Variants in FAT3 observed in about 807,000 individuals in gnomAD.
FAT3 encodes FAT atypical cadherin 3, also known as protocadherin Fat 3.
FAT3 carries 95 observed loss-of-function variants against 310.2 expected under a neutral mutation model. That is an observed-to-expected ratio of 0.31 (90% CI 0.26 to 0.36). The LOEUF (loss-of-function observed/expected upper bound fraction) is 0.36. Among genes scored for constraint, FAT3 ranks in the 10% least tolerant of loss-of-function variants. FAT3 has a pLI of 1.00. For missense variants in FAT3, 5,408 were observed against 5,715.6 expected, an observed-to-expected ratio of 0.95 and a Z score of 1.74; for synonymous variants, 2,314 against 2,192.9, an observed-to-expected ratio of 1.06 and a Z score of -1.54.
At chr11:92,242,596 A>G (rs1864712780) in intron 1 of FAT3, among the ~76,000 whole-genome samples, 3 of 152,008 alleles carry the variant, frequency 2.0e-5, no homozygotes, top group South Asian at 4.1e-4. Flanking sequence ...CTTGACCTCA[A>G]GGAGTTTAAG....
At chr11:92,588,110 T>A (rs1939243165) in intron 3 of FAT3, among the ~76,000 whole-genome samples, 1 of 151,992 alleles carries the variant, frequency 6.6e-6, no homozygotes, top group South Asian at 2.1e-4. Flanking sequence ...GGTCTAAGGA[T>A]CTCCAAGTTC....
intron 7 of FAT3, among the ~76,000 whole-genome samples, chr11:92,787,558 G>T (rs971134125): frequency 6.6e-6 from 1 of 151,506 alleles, no homozygotes; most frequent in Non-Finnish European, 1.5e-5. Flanking sequence ...GGTTATTCTT[G>T]CTTGTTCTTC....
At chr11:92,703,132 G>A (rs1331964473) in intron 4 of FAT3, among the ~76,000 whole-genome samples, 1 of 152,122 alleles carries the variant, frequency 6.6e-6, no homozygotes, top group Non-Finnish European at 1.5e-5. Flanking sequence ...CCTGTCTGAA[G>A]TTCTCATCCC....
At chr11:92,586,328 G>A (rs1053836819) in intron 3 of FAT3, among the ~76,000 whole-genome samples, 1 of 151,954 alleles carries the variant, frequency 6.6e-6, no homozygotes, top group Non-Finnish European at 1.5e-5. Context: ...CTATAGCACA[G>A]CCTGCAGTCT....
At chr11:92,650,548 T>C (rs1298388755) in intron 3 of FAT3, among the ~76,000 whole-genome samples, 1 of 152,170 alleles carries the variant, frequency 6.6e-6, no homozygotes, top group Non-Finnish European at 1.5e-5. Context: ...CTGATAAGAA[T>C]TGGCTCTTTA....
intron 2 of FAT3, among the ~76,000 whole-genome samples, chr11:92,451,570 G>T (rs1951352434): frequency 6.6e-6 from 1 of 152,160 alleles, no homozygotes; most frequent in African/African-American, 2.4e-5. Context: ...CTTGAATGAA[G>T]GGATATGGAC....
intron 4 of FAT3, among the ~76,000 whole-genome samples, chr11:92,739,758 A>G (rs927493502): frequency 6.6e-6 from 1 of 152,170 alleles, no homozygotes; most frequent in Non-Finnish European, 1.5e-5. Flanking sequence ...ATGCTTGGCA[A>G]TCTCTGCTGC....
chr11:92,518,316 A>G (rs1953558873), intron 2 of FAT3, among the ~76,000 whole-genome samples: 1 of 152,198 alleles, frequency 6.6e-6, no homozygotes, highest in African/African-American at 2.4e-5. Context: ...CATATACACC[A>G]TGGAATACTA....
At chr11:92,529,480 C>G (rs915173339) in intron 3 of FAT3, among the ~76,000 whole-genome samples, 1 of 152,050 alleles carries the variant, frequency 6.6e-6, no homozygotes, top group Non-Finnish European at 1.5e-5. Context: ...ACATACATCT[C>G]TTTTCATTTG....
intron 3 of FAT3, among the ~76,000 whole-genome samples, chr11:92,676,800 A>ATT (rs1943302152): frequency 6.6e-6 from 1 of 152,216 alleles, no homozygotes. Flanking sequence ...TTAGCTGAAA[A>ATT]TACTTTCTAT....
chr11:92,589,707 C>A (rs1591491574), intron 3 of FAT3, among the ~76,000 whole-genome samples: 1 of 152,170 alleles, frequency 6.6e-6, no homozygotes, highest in African/African-American at 2.4e-5. Flanking sequence ...ACCACACACA[C>A]AACATAAATA....
Position 92,841,350 on chromosome 11 carries a change from T to C in FAT3, c.10566+591T>C, listed in dbSNP as rs149930356. 7.6e-3 allele frequency among the ~76,000 whole-genome samples: 1,160 copies of C among 152,282 alleles called. 14 individuals are homozygous for C. Among genetic ancestry groups the C allele is most frequent in the African/African-American group, 0.027 (1,120 of 41,536 alleles). The stretch of plus-strand genomic sequence containing the variant: ...TGCAAATACCAAGATTTGGATCCCA[T>C]CAGGGAAACTGAGTGACTTTTTCTA... On this transcript the variant is annotated intron_variant, in intron 18 of 27. Transcript: ENST00000525166.
At chr11:92,524,565 G>A (rs372185611) in intron 2 of FAT3, 69 bp from the exon 3 acceptor site, 3 of 1,474,262 alleles carry the variant, frequency 2.0e-6, no homozygotes, top group East Asian at 2.3e-5. Flanking sequence ...TAGTCCTTTG[G>A]AATTTGAGAT....
intron 2 of FAT3, among the ~76,000 whole-genome samples, chr11:92,431,161 C>T (rs1327108994): frequency 1.8e-4 from 28 of 152,202 alleles, no homozygotes; most frequent in Non-Finnish European, 2.4e-4. Flanking sequence ...TCCACATCCT[C>T]TCCAGCACCT....
At chr11:92,410,463 G>A in intron 2 of FAT3, among the ~76,000 whole-genome samples, 1 of 152,228 alleles carries the variant, frequency 6.6e-6, no homozygotes, top group Middle Eastern at 3.4e-3. Flanking sequence ...TTGCTTCTGA[G>A]ACATCTGAGA....
chr11:92,589,554 A>C (rs182350547), intron 3 of FAT3, among the ~76,000 whole-genome samples: 76 of 152,164 alleles, frequency 5.0e-4, no homozygotes, highest in Admixed American at 1.9e-3. Flanking sequence ...TTTTCCTCCT[A>C]ATTTAATCAT....
At chr11:92,573,162 C>CG (rs1938272469) in intron 3 of FAT3, among the ~76,000 whole-genome samples, 6 of 152,090 alleles carry the variant, frequency 3.9e-5, no homozygotes, top group Non-Finnish European at 7.4e-5. Context: ...GCCCATTTCT[C>CG]ATAAGCCAAC....
intron 3 of FAT3, among the ~76,000 whole-genome samples, chr11:92,649,136 G>A (rs1942276932): frequency 6.6e-6 from 1 of 152,190 alleles, no homozygotes; most frequent in Non-Finnish European, 1.5e-5. Flanking sequence ...TCTCACCCTG[G>A]ATTGTGATGA....
chr11:92,486,098 C>G (rs1285881417), intron 2 of FAT3, among the ~76,000 whole-genome samples: 1 of 127,346 alleles, frequency 7.9e-6, no homozygotes, highest in African/African-American at 3.0e-5. Flanking sequence ...CCTCTAAGGA[C>G]TCATATGTGA....
Sources: gnomAD v4.1 joint callset for allele counts (sites outside exome capture counted in the v4.1 genomes callset) on GRCh38, gnomAD v4.1.1 for gene constraint, MANE v1.5 for transcripts, NCBI Gene and HGNC (gene_info 2026-07-23, HGNC 2026-07-21) for gene names.